Variants in ALG14 observed in about 807,000 individuals in gnomAD.
ALG14 encodes the protein ALG14 UDP-N-acetylglucosaminyltransferase subunit, also known as UDP-N-acetylglucosamine transferase subunit ALG14.
A neutral mutation model predicts 22.8 loss-of-function variants in ALG14; 17 were observed. The observed-to-expected ratio is 0.75, with a 90% CI of 0.51 to 1.12. The LOEUF is 1.12. ALG14 is among the 50% of genes most tolerant of loss of function. The probability of loss-of-function intolerance (pLI) is 0.00; values close to 1 mark genes in which losing one functional copy is unlikely to be tolerated. For missense variants in ALG14, 288 were observed against 271.8 expected, an observed-to-expected ratio of 1.06 and a Z score of -0.42; for synonymous variants, 89 against 103.7, an observed-to-expected ratio of 0.86 and a Z score of 0.86.
intron 3 of ALG14, among the ~76,000 whole-genome samples, chr1:95,003,609 T>C (rs919596872): frequency 1.3e-5 from 2 of 151,934 alleles, no homozygotes; most frequent in Non-Finnish European, 2.9e-5. Context: ...TCATCATGCC[T>C]GGCTAATTTT....
chr1:95,034,743 G>A (rs1012351867), intron 2 of ALG14, among the ~76,000 whole-genome samples: 1 of 152,144 alleles, frequency 6.6e-6, no homozygotes, highest in Non-Finnish European at 1.5e-5. Flanking sequence ...GCTGAACCAC[G>A]AAGTTTACTC....
At position 95,042,828 on chromosome 1, in the gene ALG14, T is replaced by C. The variant is rs560563969; in HGVS notation, c.289-15568A>G. Reference sequence around the variant, plus strand: ...AGTCGGGTCCTTCTGTTTTGGAAATTTCCCTGGGTCATAATTTTGTTTCAT... The same window carrying C: ...AGTCGGGTCCTTCTGTTTTGGAAATCTCCCTGGGTCATAATTTTGTTTCAT... On this transcript the variant is annotated intron_variant, in intron 2 of 3. Transcript: ENST00000370205. Among the ~76,000 whole-genome samples the C allele has an allele frequency of 1.8e-4, 27 of 152,364 alleles. No homozygotes were observed. In the South Asian group the frequency reaches 4.3e-3, roughly 25 times the overall value.
At chr1:94,984,969 G>C (rs1672601344) in intron 3 of ALG14, among the ~76,000 whole-genome samples, 4 of 151,828 alleles carry the variant, frequency 2.6e-5, no homozygotes, top group Admixed American at 2.6e-4. Context: ...TAATAACTCT[G>C]TATCATTCCA....
At chr1:95,047,708 G>C (rs1674608075) in intron 2 of ALG14, among the ~76,000 whole-genome samples, 1 of 152,120 alleles carries the variant, frequency 6.6e-6, no homozygotes, top group African/African-American at 2.4e-5. Context: ...GGCCAGGCAT[G>C]GTGAGTCACG....
chr1:95,056,580 G>GGCTGCAGTGAGCTGTGATCACGCC (rs1466740600), intron 2 of ALG14, among the ~76,000 whole-genome samples: 2 of 152,058 alleles, frequency 1.3e-5, no homozygotes, highest in African/African-American at 2.4e-5. Flanking sequence ...GGAAGATCGA[G>GGCTGCAGTGAGCTGTGATCACGCC]GCTGCAGTGA....
intron 2 of ALG14, among the ~76,000 whole-genome samples, chr1:95,047,386 C>T (rs1351661797): frequency 6.6e-6 from 1 of 152,064 alleles, no homozygotes; most frequent in Non-Finnish European, 1.5e-5. Flanking sequence ...TCTTGTCACC[C>T]AGGTTGGAGT....
chr1:95,031,774 T>C (rs1674013077), intron 2 of ALG14, among the ~76,000 whole-genome samples: 1 of 152,216 alleles, frequency 6.6e-6, no homozygotes, highest in African/African-American at 2.4e-5. Context: ...TATGTATTGC[T>C]GTCTCCTCCA....
intron 2 of ALG14, among the ~76,000 whole-genome samples, chr1:95,037,835 T>G (rs1479061029): frequency 6.6e-6 from 1 of 152,200 alleles, no homozygotes; most frequent in Non-Finnish European, 1.5e-5. Flanking sequence ...CTGTACTCTC[T>G]AAGCATGGAT....
chr1:95,072,654 G>C, intron 1 of ALG14, 109 bp downstream of exon 1: 1 of 1,454,180 alleles, frequency 6.9e-7, no homozygotes, highest in Non-Finnish European at 9.4e-7. Context: ...ACAAATCTCT[G>C]CATGCAACAC....
At chr1:95,027,078 A>G (rs780185521) in intron 3 of ALG14, 51 bp downstream of exon 3, 36 of 1,602,036 alleles carry the variant, frequency 2.2e-5, no homozygotes, top group Admixed American at 3.4e-5. Flanking sequence ...GTTACTAACG[A>G]AAGATCTACA....
chr1:95,066,325 G>C (rs1272870277), intron 1 of ALG14, among the ~76,000 whole-genome samples: 2 of 151,928 alleles, frequency 1.3e-5, no homozygotes, highest in African/African-American at 2.4e-5. Context: ...CCAGGTTCAG[G>C]CGACTCTCCT....
chr1:94,986,604 C>T (rs543418153), intron 3 of ALG14, among the ~76,000 whole-genome samples: 2 of 152,150 alleles, frequency 1.3e-5, no homozygotes, highest in South Asian at 2.1e-4. Flanking sequence ...TCCCGAGTAG[C>T]TGGGATTACA....
intron 2 of ALG14, among the ~76,000 whole-genome samples, chr1:95,030,523 T>TA (rs992422332): frequency 1.3e-5 from 2 of 152,212 alleles, no homozygotes; most frequent in Non-Finnish European, 2.9e-5. Flanking sequence ...ATATTTTATT[T>TA]AAAAAAGCAT....
chr1:94,999,205 C>T, intron 3 of ALG14, among the ~76,000 whole-genome samples: 1 of 151,452 alleles, frequency 6.6e-6, no homozygotes, highest in Non-Finnish European at 1.5e-5. Context: ...AAATTCCCTC[C>T]ATTCAGGCAA....
At chr1:95,011,957 T>C (rs1034587681) in intron 3 of ALG14, among the ~76,000 whole-genome samples, 1 of 152,174 alleles carries the variant, frequency 6.6e-6, no homozygotes, top group Non-Finnish European at 1.5e-5. Context: ...ATAATTCCCA[T>C]GTGTTGTGGG....
At chr1:95,060,117 CATACACACACAA>C (rs1675084260) in intron 2 of ALG14, among the ~76,000 whole-genome samples, 1 of 135,168 alleles carries the variant, frequency 7.4e-6, no homozygotes, top group Non-Finnish European at 1.6e-5. Context: ...CCCTCCTATA[CATACACACACAA>C]ACACACACAC....
intron 3 of ALG14, among the ~76,000 whole-genome samples, chr1:94,999,953 C>T (rs1346708873): frequency 6.6e-6 from 1 of 152,146 alleles, no homozygotes; most frequent in African/African-American, 2.4e-5. Flanking sequence ...ACCCACATTC[C>T]CAGCCCCAAC....
chr1:95,015,733 A>G (rs1385538450), intron 3 of ALG14, among the ~76,000 whole-genome samples: 4 of 152,206 alleles, frequency 2.6e-5, no homozygotes, highest in African/African-American at 7.2e-5. Context: ...ATGAAAATAT[A>G]AGAGGGCTGG....
intron 2 of ALG14, among the ~76,000 whole-genome samples, chr1:95,031,658 CT>C: frequency 6.6e-6 from 1 of 152,108 alleles, no homozygotes; most frequent in Non-Finnish European, 1.5e-5. Context: ...CCATCCTCCC[CT>C]CTCCCCATCC....
Sources: allele counts gnomAD v4.1 joint callset (sites outside exome capture counted in the v4.1 genomes callset), GRCh38; gene constraint gnomAD v4.1.1; transcripts MANE v1.5; gene names NCBI Gene and HGNC (gene_info 2026-07-23, HGNC 2026-07-21).